YWHAE: variants seen among roughly 807,000 people sequenced by gnomAD.
The protein encoded by YWHAE is 14-3-3 protein epsilon.
Under a neutral mutation model 30.1 loss-of-function variants are expected in YWHAE, and 4 were observed. The observed-to-expected ratio is 0.13, with a 90% CI of 0.07 to 0.30. The LOEUF (loss-of-function observed/expected upper bound fraction) is 0.30, where lower values mean the gene tolerates loss of function less well. Among genes scored for constraint, YWHAE ranks in the 10% least tolerant of loss-of-function variants. The probability of loss-of-function intolerance (pLI) is 1.00; values close to 1 mark genes in which losing one functional copy is unlikely to be tolerated. For synonymous variants in YWHAE, 118 were observed against 111.8 expected, an observed-to-expected ratio of 1.06 and a Z score of -0.35; for missense variants, 121 against 315.9, an observed-to-expected ratio of 0.38 and a Z score of 4.68.
intron 4 of YWHAE, among the ~76,000 whole-genome samples, chr17:1,358,751 A>G (rs1251234202): frequency 6.7e-6 from 1 of 150,274 alleles, no homozygotes; most frequent in African/African-American, 2.5e-5. Context: ...AATCGCTTGA[A>G]TCTGGGAGGT....
intron 1 of YWHAE, among the ~76,000 whole-genome samples, chr17:1,375,256 G>A (rs2073105043): frequency 6.6e-6 from 1 of 152,060 alleles, no homozygotes; most frequent in Non-Finnish European, 1.5e-5. Flanking sequence ...TAATGATAAT[G>A]TACCCCAAAA....
chr17:1,348,693 T>A (rs2072565882), intron 5 of YWHAE, among the ~76,000 whole-genome samples: 1 of 152,182 alleles, frequency 6.6e-6, no homozygotes, highest in Non-Finnish European at 1.5e-5. Flanking sequence ...CAGCCGAGAT[T>A]ACAGGCAGGC....
intron 2 of YWHAE, 112 bp downstream of exon 2, chr17:1,364,747 T>C (rs1395277860): frequency 8.0e-7 from 1 of 1,251,866 alleles, no homozygotes; most frequent in Admixed American, 2.1e-5. Flanking sequence ...TATAACATAC[T>C]GTAATACAAG....
chr17:1,373,857 G>C (rs904979313), intron 1 of YWHAE, among the ~76,000 whole-genome samples: 1 of 152,000 alleles, frequency 6.6e-6, no homozygotes, highest in Non-Finnish European at 1.5e-5. Context: ...CCTACGAACA[G>C]AGCCATACAG....
chr17:1,356,475 AAAC>A (rs1431754303), intron 4 of YWHAE, among the ~76,000 whole-genome samples: 1 of 152,242 alleles, frequency 6.6e-6, no homozygotes, highest in Non-Finnish European at 1.5e-5. Context: ...GATAAGGAGA[AAAC>A]AAAACACACT....
Position 1,344,912 on chromosome 17 carries a change from A to G in YWHAE, c.*535T>C. On this transcript the variant is annotated 3_prime_UTR_variant, in exon 6 of 6. Coordinates refer to ENST00000264335, the MANE Select transcript of YWHAE (RefSeq NM_006761.5). Reference sequence around the variant, plus strand: ...GCAACATTTCAGCGGAGTTGGAAACATTTTTTACAGCAAAACCATTACAAC... The same window carrying G: ...GCAACATTTCAGCGGAGTTGGAAACGTTTTTTACAGCAAAACCATTACAAC... 4.3e-6 allele frequency: 1 copy of G among 233,638 alleles called. No individual in the cohort carries two copies. The highest frequency in any genetic ancestry group is 8.5e-6 in the Non-Finnish European group (1 of 118,044). 14.5% of individuals were successfully genotyped at this position (233,638 alleles called of 1,614,324 possible).
chr17:1,395,289 A>T (rs1293916462), intron 1 of YWHAE, among the ~76,000 whole-genome samples: 2 of 152,152 alleles, frequency 1.3e-5, no homozygotes, highest in Admixed American at 6.6e-5. Context: ...GCAGTTTGGG[A>T]GGCTGAGGTG....
chr17:1,376,271 A>G (rs986072529), intron 1 of YWHAE, among the ~76,000 whole-genome samples: 1 of 152,196 alleles, frequency 6.6e-6, no homozygotes, highest in Non-Finnish European at 1.5e-5. Context: ...AGTTTCACAT[A>G]CTAAAATGTG....
intron 1 of YWHAE, among the ~76,000 whole-genome samples, chr17:1,389,917 C>T (rs1354530952): frequency 6.6e-6 from 1 of 151,814 alleles, no homozygotes; most frequent in Non-Finnish European, 1.5e-5. Flanking sequence ...AATCTCGGCT[C>T]ACTGCAACCT....
chr17:1,373,803 C>T (rs549582481), intron 1 of YWHAE, among the ~76,000 whole-genome samples: 2 of 152,112 alleles, frequency 1.3e-5, no homozygotes, highest in Admixed American at 6.6e-5. Context: ...TCCATTTGTT[C>T]TGTAAAAATG....
chr17:1,356,608 G>A (rs2072747452), intron 4 of YWHAE, among the ~76,000 whole-genome samples: 2 of 152,292 alleles, frequency 1.3e-5, no homozygotes, highest in South Asian at 2.1e-4. Context: ...TAGCTAAATA[G>A]CCACAGCTTC....
intron 1 of YWHAE, chr17:1,399,343 A>T (rs2150884350): frequency 6.6e-6 from 1 of 152,428 alleles, no homozygotes; most frequent in Middle Eastern, 3.4e-3. Flanking sequence ...GAAACCCCTC[A>T]CTACGAGGTG....
chr17:1,364,709 C>A, intron 2 of YWHAE, 150 bp downstream of exon 2: 1 of 1,001,126 alleles, frequency 1.0e-6, no homozygotes, highest in East Asian at 2.5e-5. Context: ...ACTTATAAAC[C>A]AGGCACAAAG....
chr17:1,389,174 C>G (rs2073353002), intron 1 of YWHAE, among the ~76,000 whole-genome samples: 1 of 152,190 alleles, frequency 6.6e-6, no homozygotes, highest in South Asian at 2.1e-4. Context: ...CTATGTTGCC[C>G]AGGCTGGTCT....
chr17:1,354,145 T>TCTA, intron 5 of YWHAE, 66 bp downstream of exon 5: 2 of 1,577,984 alleles, frequency 1.3e-6, no homozygotes, highest in East Asian at 4.5e-5. Context: ...CCAAGGAATG[T>TCTA]CTAAAGAGAG....
rs2072495134 is a variant in YWHAE at position 1,345,205 on chromosome 17, T to C, written c.*242A>G. The C allele has an allele frequency of 1.8e-6, 1 of 559,448 alleles. No homozygotes were observed. Among genetic ancestry groups the C allele is most frequent in the Non-Finnish European group, 3.2e-6 (1 of 316,768 alleles). The allele number at this position is 559,448 out of a possible 1,614,324, so 34.7% of individuals were successfully genotyped here. On this transcript the variant is annotated 3_prime_UTR_variant, in exon 6 of 6. Coordinates refer to ENST00000264335, the MANE Select transcript of YWHAE (RefSeq NM_006761.5). Reference sequence around the variant, plus strand: ...CTGAAAAAGCCTCTATGTAGTCCTGTTAGTGTCTTAAAGAACCTAAAAGCT... The same window carrying C: ...CTGAAAAAGCCTCTATGTAGTCCTGCTAGTGTCTTAAAGAACCTAAAAGCT...
chr17:1,358,278 C>T lies in YWHAE; in HGVS notation c.578+2814G>A, dbSNP rs59811789. Reference sequence around the variant, plus strand: ...TTTTTGAGACGGAGTCTCGCTCTGTCGCCCAGGCTGGAGTGCAGTGGCGTG... The same window carrying T: ...TTTTTGAGACGGAGTCTCGCTCTGTTGCCCAGGCTGGAGTGCAGTGGCGTG... On this transcript the variant is annotated intron_variant, in intron 4 of 5. Coordinates refer to ENST00000264335, the MANE Select transcript of YWHAE (RefSeq NM_006761.5). Among the ~76,000 whole-genome samples the T allele has an allele frequency of 1.1e-4, 16 of 152,156 alleles. No individual in the cohort carries two copies. In the East Asian group the frequency reaches 1.8e-3, roughly 17 times the overall value.
At chr17:1,386,454 C>T (rs1051047240) in intron 1 of YWHAE, among the ~76,000 whole-genome samples, 3 of 152,218 alleles carry the variant, frequency 2.0e-5, no homozygotes, top group African/African-American at 7.2e-5. Context: ...ACTGATGAAT[C>T]CCAAGTGTCT....
At chr17:1,395,161 G>A (rs568805730) in intron 1 of YWHAE, among the ~76,000 whole-genome samples, 1 of 151,936 alleles carries the variant, frequency 6.6e-6, no homozygotes, top group East Asian at 1.9e-4. Context: ...GGGAGGCCGA[G>A]GCAGGCAGAT....
Sources: allele counts gnomAD v4.1 joint callset (sites outside exome capture counted in the v4.1 genomes callset), GRCh38; gene constraint gnomAD v4.1.1; transcripts MANE v1.5; gene names NCBI Gene and HGNC (gene_info 2026-07-23, HGNC 2026-07-21).